TSHZ2: variants seen among roughly 807,000 people sequenced by gnomAD.
TSHZ2 encodes the protein teashirt homolog 2.
A neutral mutation model predicts 74.4 loss-of-function variants in TSHZ2; 21 were observed. The observed-to-expected ratio is 0.28, with a 90% CI of 0.20 to 0.41. TSHZ2 has a LOEUF of 0.41. Ranked by LOEUF, TSHZ2 falls within the 10% of genes least tolerant of loss-of-function variation. TSHZ2 has a pLI of 1.00. For missense variants in TSHZ2, 1,244 were observed against 1,293.5 expected, an observed-to-expected ratio of 0.96 and a Z score of 0.59; for synonymous variants, 540 against 515.3, an observed-to-expected ratio of 1.05 and a Z score of -0.65.
intron 2 of TSHZ2, among the ~76,000 whole-genome samples, chr20:53,272,095 T>A (rs1035587949): frequency 6.6e-5 from 10 of 151,678 alleles, no homozygotes; most frequent in African/African-American, 2.4e-4. Context: ...CACTGCAACC[T>A]CCACCTCCCT....
intron 1 of TSHZ2, among the ~76,000 whole-genome samples, chr20:53,111,986 A>G (rs1303781288): frequency 6.6e-6 from 1 of 152,186 alleles, no homozygotes; most frequent in Non-Finnish European, 1.5e-5. Flanking sequence ...TGCTGAGGGC[A>G]CGTGTCTAAC....
intron 2 of TSHZ2, among the ~76,000 whole-genome samples, chr20:53,384,812 A>G (rs1335996457): frequency 2.0e-5 from 3 of 152,234 alleles, no homozygotes; most frequent in Non-Finnish European, 4.4e-5. Context: ...ATGACATTGT[A>G]CTTTCTCATT....
rs756044357 is a variant in TSHZ2, at chr20:53,253,985, G to C, written c.527G>C (p.Ser176Thr). 35 of 1,614,048 alleles carry C rather than the reference G, an allele frequency of 2.2e-5. No individual in the cohort carries two copies. The highest frequency in any genetic ancestry group is 2.8e-5 in the Non-Finnish European group (33 of 1,180,046). Residue 176 changes from serine to threonine, a missense_variant, in exon 2 of 3, where the codon AGC (serine) becomes ACC (threonine). Transcript: ENST00000371497. ...FDWHQDALSK[S>T]LQQNLPSRSV... ...TGGCACCAAGACGCTCTGTCCAAAA[G>C]CCTGCAGCAGAACTTGCCTTCTCGG...
chr20:53,243,645 C>A (rs1261582665), intron 1 of TSHZ2, among the ~76,000 whole-genome samples: 1 of 152,126 alleles, frequency 6.6e-6, no homozygotes, highest in Non-Finnish European at 1.5e-5. Flanking sequence ...GGCCAGGAAG[C>A]CCTTTCCTGA....
intron 1 of TSHZ2, among the ~76,000 whole-genome samples, chr20:53,004,388 G>A (rs1199484552): frequency 6.6e-6 from 1 of 152,170 alleles, no homozygotes; most frequent in African/African-American, 2.4e-5. Context: ...CAAGCTTCCT[G>A]ATGGCCAAGA....
At chr20:52,994,878 G>T (rs1001893191) in intron 1 of TSHZ2, among the ~76,000 whole-genome samples, 1 of 152,140 alleles carries the variant, frequency 6.6e-6, no homozygotes, top group African/African-American at 2.4e-5. Flanking sequence ...CACATGCCAG[G>T]CTCTGTCCCA....
At chr20:53,459,147 G>C (rs1029965685) in intron 2 of TSHZ2, among the ~76,000 whole-genome samples, 6 of 152,150 alleles carry the variant, frequency 3.9e-5, no homozygotes, top group African/African-American at 1.4e-4. Context: ...GTCTAATGTT[G>C]ACAGTGGGGT....
intron 2 of TSHZ2, among the ~76,000 whole-genome samples, chr20:53,374,450 A>C (rs1981589246): frequency 6.6e-6 from 1 of 152,170 alleles, no homozygotes. Flanking sequence ...TCTGATGAAC[A>C]TATGTGTGTA....
At chr20:53,226,729 G>A (rs59125382) in intron 1 of TSHZ2, among the ~76,000 whole-genome samples, 2,624 of 152,164 alleles carry the variant, frequency 0.017, 90 homozygotes, top group African/African-American at 0.06. Flanking sequence ...GTACCGTCCT[G>A]TGTTATCAGT....
intron 2 of TSHZ2, among the ~76,000 whole-genome samples, chr20:53,295,228 G>T (rs977869997): frequency 6.6e-5 from 10 of 152,178 alleles, no homozygotes; most frequent in African/African-American, 2.4e-4. Flanking sequence ...GGATAGCACA[G>T]TTATAAAAAA....
intron 1 of TSHZ2, among the ~76,000 whole-genome samples, chr20:53,170,955 A>T (rs1448299272): frequency 1.4e-5 from 1 of 72,560 alleles, no homozygotes; most frequent in East Asian, 5.9e-4. Context: ...AAAAGTAATT[A>T]AAAAAAAAAA....
intron 1 of TSHZ2, among the ~76,000 whole-genome samples, chr20:53,053,272 T>TTTAC (rs1984535169): frequency 6.6e-6 from 1 of 152,226 alleles, no homozygotes; most frequent in African/African-American, 2.4e-5. Context: ...CCACACTTTA[T>TTTAC]TTATTCATTC....
chr20:53,347,029 C>T (rs1192165516), intron 2 of TSHZ2, among the ~76,000 whole-genome samples: 1 of 152,158 alleles, frequency 6.6e-6, no homozygotes, highest in Non-Finnish European at 1.5e-5. Flanking sequence ...ATACAGGGGT[C>T]AAAACCAGAA....
At position 53,203,665 on chromosome 20, in the gene TSHZ2, G is replaced by A. The variant is rs140711263; in HGVS notation, c.41-49834G>A. Among the ~76,000 whole-genome samples, 750 of 152,270 alleles carry A rather than the reference G, an allele frequency of 4.9e-3. 8 individuals carry two copies. Among genetic ancestry groups the A allele is most frequent in the African/African-American group, 0.017 (720 of 41,556 alleles). On this transcript the variant is annotated intron_variant, in intron 1 of 2. Transcript: ENST00000371497. ...TCATCTCCAGCCAAGGGTGCCAGGT[G>A]GAGTGTGGTCTCATCGCCAGACATA...
At position 53,254,963 on chromosome 20, in the gene TSHZ2, G is replaced by C. The variant is rs45479792; in HGVS notation, c.1505G>C (p.Arg502Thr). 1.2e-6 allele frequency: 2 copies of C among 1,614,158 alleles called. No homozygotes were observed. Among genetic ancestry groups the C allele is most frequent in the Non-Finnish European group, 1.7e-6 (2 of 1,180,016 alleles). ...LDPTIKYQYL[R>T]EEDLEDGSKG... ...CCTACAATCAAATATCAATACCTAA[G>C]GGAGGAAGACTTGGAAGATGGCTCA... is the stretch of plus-strand genomic sequence containing the variant. The change falls in exon 2 of 3, where the codon AGG becomes ACG. Residue 502 changes from arginine to threonine, a missense_variant. Arg to Thr is a moderately conservative substitution (Grantham distance 71). Coordinates refer to ENST00000371497, the MANE Select transcript of TSHZ2 (RefSeq NM_173485.6).
chr20:53,090,895 A>G (rs990329728), intron 1 of TSHZ2, among the ~76,000 whole-genome samples: 1 of 152,158 alleles, frequency 6.6e-6, no homozygotes, highest in Non-Finnish European at 1.5e-5. Context: ...TCATGTTTCC[A>G]TATAACAAAA....
intron 1 of TSHZ2, among the ~76,000 whole-genome samples, chr20:53,141,456 T>C (rs1348699626): frequency 6.6e-6 from 1 of 152,226 alleles, no homozygotes; most frequent in African/African-American, 2.4e-5. Context: ...TTGTCTTGCT[T>C]GTAAATCCTG....
At chr20:53,430,278 T>C (rs189016375) in intron 2 of TSHZ2, among the ~76,000 whole-genome samples, 100 of 151,982 alleles carry the variant, frequency 6.6e-4, no homozygotes, top group African/African-American at 2.3e-3. Context: ...CTGATTTTTG[T>C]ATTTTTAGTA....
intron 1 of TSHZ2, among the ~76,000 whole-genome samples, chr20:53,200,198 G>C (rs1049275962): frequency 6.6e-6 from 1 of 152,134 alleles, no homozygotes; most frequent in Admixed American, 6.5e-5. Context: ...CTTCCTCAGG[G>C]TATACACAGT....
Sources: gnomAD v4.1 joint callset for allele counts (sites outside exome capture counted in the v4.1 genomes callset) on GRCh38, gnomAD v4.1.1 for gene constraint, MANE v1.5 for transcripts, NCBI Gene and HGNC (gene_info 2026-07-23, HGNC 2026-07-21) for gene names.